USP10: variants seen among roughly 807,000 people sequenced by gnomAD.
The protein encoded by USP10 is ubiquitin specific peptidase 10.
A neutral mutation model predicts 84.5 loss-of-function variants in USP10; 22 were observed. The observed-to-expected ratio is 0.26, with a 90% confidence interval of 0.19 to 0.37. USP10 has a LOEUF of 0.37. Among genes scored for constraint, USP10 ranks in the 10% least tolerant of loss-of-function variants. The probability of loss-of-function intolerance (pLI) is 1.00; values close to 1 mark genes in which losing one functional copy is unlikely to be tolerated. For synonymous variants in USP10, 454 were observed against 387.6 expected (o/e 1.17, Z -2.01); for missense variants, 1,019 against 998.9 (o/e 1.02, Z -0.27).
intron 1 of USP10, among the ~76,000 whole-genome samples, chr16:84,700,594 T>A (rs528978592): frequency 1.3e-5 from 2 of 152,290 alleles, no homozygotes; most frequent in South Asian, 4.1e-4. Context: ...AGAGCTTCCT[T>A]TCTCAGCTTG....
chr16:84,736,990 G>A (rs1019715341), intron 2 of USP10, among the ~76,000 whole-genome samples: 7 of 152,092 alleles, frequency 4.6e-5, no homozygotes, highest in Admixed American at 1.3e-4. Flanking sequence ...GGGTTTCACC[G>A]GGTTAGCCAG....
intron 1 of USP10, among the ~76,000 whole-genome samples, chr16:84,729,727 G>C (rs1221440438): frequency 6.6e-6 from 1 of 152,156 alleles, no homozygotes; most frequent in Admixed American, 6.5e-5. Context: ...ATGCATTTAA[G>C]GATTAAAATG....
chr16:84,775,857 C>G (rs1307974539), intron 13 of USP10, among the ~76,000 whole-genome samples: 1 of 150,622 alleles, frequency 6.6e-6, no homozygotes, highest in Non-Finnish European at 1.5e-5. Flanking sequence ...TCTGCCTTCC[C>G]TTTTATCCTT....
At chr16:84,712,382 C>T (rs892731680) in intron 1 of USP10, among the ~76,000 whole-genome samples, 1 of 152,154 alleles carries the variant, frequency 6.6e-6, no homozygotes, top group African/African-American at 2.4e-5. Context: ...TCTTTCGGGT[C>T]AGGAAGGCTT....
Position 84,734,898 on chromosome 16 carries a change from G to GT in USP10, c.90+1395_90+1396insT, listed in dbSNP as rs1188789400. Among the ~76,000 whole-genome samples the GT allele has an allele frequency of 2.1e-3, 316 of 152,306 alleles. 7 individuals carry two copies. The East Asian group carries it at 0.052, about 25-fold the overall frequency. On this transcript the variant is annotated intron_variant, in intron 2 of 13. Transcript: ENST00000219473. Reference sequence around the variant, plus strand: ...CTCCTCACCATTCATTGGGAACTCGGCCCTTAGCTGTCCTGTCAGCCCCGT... The same window carrying GT: ...CTCCTCACCATTCATTGGGAACTCGGTCCCTTAGCTGTCCTGTCAGCCCCGT...
At position 84,745,149 on chromosome 16, in the gene USP10, T is replaced by C. The variant is rs571381236; in HGVS notation, c.668T>C (p.Val223Ala). The C allele has an allele frequency of 6.2e-7, 1 of 1,613,500 alleles. No homozygotes were observed. Among genetic ancestry groups the C allele is most frequent in the Non-Finnish European group, 8.5e-7 (1 of 1,179,704 alleles). ...TCCACAGACTCTGTCAGTGACATTGTGCCTGACAGTCCTTTCCCCGGAGCA... is the reference window on the plus strand; with the variant it reads ...TCCACAGACTCTGTCAGTGACATTGCGCCTGACAGTCCTTTCCCCGGAGCA... ...QNSTDSVSDIVPDSPFPGALG... is the reference protein window; with the variant it reads ...QNSTDSVSDIAPDSPFPGALG... The change falls in exon 4 of 14, where the codon GTG becomes GCG. Residue 223 changes from valine to alanine, a missense_variant. Physicochemically the swap from Val to Ala is moderately conservative, Grantham distance 64 (BLOSUM62 0). This residue lies in a region of USP10 where 787 missense variants were observed against 708.8 expected (regional missense o/e 1.11). Coordinates refer to ENST00000219473, the MANE Select transcript of USP10 (RefSeq NM_005153.3).
At chr16:84,747,200 G>C (rs747428192) in intron 4 of USP10, among the ~76,000 whole-genome samples, 2 of 152,222 alleles carry the variant, frequency 1.3e-5, no homozygotes, top group South Asian at 4.1e-4. Flanking sequence ...CAGATCTTCA[G>C]ATTGTCACCC....
chr16:84,720,731 G>A (rs1261509405), intron 1 of USP10, among the ~76,000 whole-genome samples: 3 of 151,018 alleles, frequency 2.0e-5, no homozygotes, highest in African/African-American at 4.9e-5. Flanking sequence ...ACAGGTGCCC[G>A]CCACCACACC....
rs563332272 is a variant in USP10, at chr16:84,711,692, A to G, written c.21+11581A>G. Among the ~76,000 whole-genome samples the G allele has an allele frequency of 4.7e-4, 69 of 148,162 alleles. 1 individual carries two copies. Among genetic ancestry groups the G allele is most frequent in the African/African-American group, 1.6e-3 (63 of 40,260 alleles). Reference sequence around the variant, plus strand: ...AGAAACTTTTCTTCCACCTATAACTAGAGTTTTAGGCGTGAGGAAGGGCTA... The same window carrying G: ...AGAAACTTTTCTTCCACCTATAACTGGAGTTTTAGGCGTGAGGAAGGGCTA... On this transcript the variant is annotated intron_variant, in intron 1 of 13. Transcript: ENST00000219473.
At position 84,759,366 on chromosome 16, in the gene USP10, C is replaced by T. The variant is rs751254940; in HGVS notation, c.1288C>T (p.Leu430=). 3.1e-6 allele frequency: 5 copies of T among 1,613,946 alleles called. No individual in the cohort carries two copies. The highest frequency in any genetic ancestry group is 4.2e-6 in the Non-Finnish European group (5 of 1,179,838). The change falls in exon 6 of 14, where the codon CTG becomes TTG. Residue 430 remains leucine (L), a synonymous_variant. Coordinates refer to ENST00000219473, the MANE Select transcript of USP10 (RefSeq NM_005153.3). The part of the protein sequence containing the change: ...KGNWCYINAT[L]QALVACPPMY... ...CTTCCTTACTGCCACTACATAGACACTGCAGGCATTGGTTGCTTGCCCGCC... is the reference window on the plus strand; with the variant it reads ...CTTCCTTACTGCCACTACATAGACATTGCAGGCATTGGTTGCTTGCCCGCC...
At chr16:84,728,097 C>G (rs949616257) in intron 1 of USP10, among the ~76,000 whole-genome samples, 2 of 152,132 alleles carry the variant, frequency 1.3e-5, no homozygotes, top group African/African-American at 2.4e-5. Flanking sequence ...CCTCATTTTA[C>G]CAAACACCTA....
chr16:84,755,002 AGG>A (rs1050742345), intron 4 of USP10, among the ~76,000 whole-genome samples: 3 of 148,586 alleles, frequency 2.0e-5, no homozygotes, highest in African/African-American at 7.4e-5. Flanking sequence ...AAAAAAAAAA[AGG>A]AGCTGTGTTT....
intron 2 of USP10, among the ~76,000 whole-genome samples, chr16:84,736,639 T>C (rs1459645345): frequency 6.6e-6 from 1 of 152,230 alleles, no homozygotes; most frequent in African/African-American, 2.4e-5. Context: ...TTCTTTAGTT[T>C]CCAGAATCTC....
intron 1 of USP10, among the ~76,000 whole-genome samples, chr16:84,726,390 C>A (rs959999761): frequency 6.6e-6 from 1 of 152,322 alleles, no homozygotes; most frequent in East Asian, 1.9e-4. Flanking sequence ...TTGCTGAGGG[C>A]AAGGTCTTTG....
At chr16:84,772,317 C>G (rs979184255) in intron 11 of USP10, among the ~76,000 whole-genome samples, 3 of 152,154 alleles carry the variant, frequency 2.0e-5, no homozygotes, top group Non-Finnish European at 4.4e-5. Context: ...TCCCAAAGTG[C>G]TGGGATTAAT....
intron 11 of USP10, 116 bp from the exon 12 acceptor site, chr16:84,772,425 C>T (rs1173488986): frequency 3.5e-6 from 5 of 1,426,808 alleles, no homozygotes; most frequent in South Asian, 1.3e-5. Flanking sequence ...TGAAGTCCTG[C>T]CACAGGACTC....
At chr16:84,708,697 C>G (rs1905873550) in intron 1 of USP10, among the ~76,000 whole-genome samples, 1 of 152,244 alleles carries the variant, frequency 6.6e-6, no homozygotes, top group South Asian at 2.1e-4. Flanking sequence ...CTTCCCAACT[C>G]AGGTCCCACT....
intron 9 of USP10, 75 bp from the exon 10 acceptor site, chr16:84,764,011 C>G (rs919849021): frequency 6.8e-7 from 1 of 1,480,646 alleles, no homozygotes; most frequent in Non-Finnish European, 9.0e-7. Flanking sequence ...AAACTGCAAT[C>G]GACAGATCTG....
chr16:84,745,873 T>C (rs1213056684), intron 4 of USP10, among the ~76,000 whole-genome samples, 200 bp downstream of exon 4: 4 of 152,224 alleles, frequency 2.6e-5, no homozygotes, highest in Non-Finnish European at 5.9e-5. Flanking sequence ...GTCGTAACTT[T>C]ATGTTAAGTG....
Sources: allele counts gnomAD v4.1 joint callset (sites outside exome capture counted in the v4.1 genomes callset), GRCh38; gene constraint gnomAD v4.1.1; regional missense constraint gnomAD v4.1.1; transcripts MANE v1.5; gene names NCBI Gene and HGNC (gene_info 2026-07-23, HGNC 2026-07-21).